The following CALN1 variants were observed in gnomAD, a reference collection of about 807,000 sequenced individuals.
CALN1 encodes calneuron 1, also known as calcium-binding protein 8.
In CALN1, 17 loss-of-function variants were observed where a neutral mutation model predicts 30.6. That is an observed-to-expected ratio of 0.56 (90% confidence interval 0.38 to 0.83). The LOEUF (loss-of-function observed/expected upper bound fraction) is 0.83, where lower values mean the gene tolerates loss of function less well. Ranked by LOEUF, CALN1 falls within the 40% of genes least tolerant of loss-of-function variation. The probability of loss-of-function intolerance (pLI) is 0.00; values close to 1 mark genes in which losing one functional copy is unlikely to be tolerated. For missense variants in CALN1, 291 were observed against 354.9 expected (o/e 0.82, Z 1.45); for synonymous variants, 156 against 131.4 (o/e 1.19, Z -1.28).
chr7:72,037,546 A>G (rs1395126453), intron 4 of CALN1, among the ~76,000 whole-genome samples: 1 of 152,232 alleles, frequency 6.6e-6, no homozygotes, highest in Non-Finnish European at 1.5e-5. Flanking sequence ...AGTTGTTTGT[A>G]TCCAGCCAGA....
chr7:72,278,879 A>G, intron 2 of CALN1, 69 bp from the exon 3 acceptor site: 1 of 1,561,966 alleles, frequency 6.4e-7, no homozygotes, highest in Non-Finnish European at 8.7e-7. Flanking sequence ...CCTTTCTTAA[A>G]GGACCATCTG....
intron 2 of CALN1, among the ~76,000 whole-genome samples, chr7:72,387,925 TCA>T (rs1805338043): frequency 6.6e-6 from 1 of 152,138 alleles, no homozygotes; most frequent in Admixed American, 6.5e-5. Flanking sequence ...GTTGGTATAG[TCA>T]CAGTGAGATG....
intron 3 of CALN1, among the ~76,000 whole-genome samples, chr7:72,128,016 G>T (rs766059519): frequency 3.3e-5 from 5 of 152,058 alleles, no homozygotes; most frequent in African/African-American, 4.8e-5. Flanking sequence ...AATACAATCA[G>T]CAAAATGTTG....
chr7:71,824,138 A>G (rs1457245225), intron 5 of CALN1, among the ~76,000 whole-genome samples: 1 of 152,126 alleles, frequency 6.6e-6, no homozygotes, highest in African/African-American at 2.4e-5. Context: ...GACTCAAGCA[A>G]TCCTCCTGCC....
At chr7:72,255,396 TTTC>T (rs144923777) in intron 3 of CALN1, among the ~76,000 whole-genome samples, 53,782 of 150,038 alleles carry the variant, frequency 0.36, 10,513 homozygotes, top group Middle Eastern at 0.55. Context: ...CCTTTTTTCT[TTTC>T]TTTTCTTTTT....
At chr7:72,214,192 A>G (rs1023378561) in intron 3 of CALN1, among the ~76,000 whole-genome samples, 4 of 152,220 alleles carry the variant, frequency 2.6e-5, no homozygotes, top group Non-Finnish European at 4.4e-5. Flanking sequence ...AAATATTTGT[A>G]TATTAGGCTG....
intron 3 of CALN1, among the ~76,000 whole-genome samples, chr7:72,254,646 T>A (rs1795793384): frequency 6.6e-6 from 1 of 152,206 alleles, no homozygotes; most frequent in East Asian, 1.9e-4. Context: ...TATTTTTATT[T>A]TTTTTTGCTG....
At chr7:72,371,206 A>AT (rs1289189439) in intron 2 of CALN1, among the ~76,000 whole-genome samples, 2 of 152,264 alleles carry the variant, frequency 1.3e-5, no homozygotes, top group East Asian at 3.9e-4. Context: ...AATTTTTATG[A>AT]TATCATGCTT....
chr7:72,404,152 T>C (rs1213476746), intron 1 of CALN1, among the ~76,000 whole-genome samples: 3 of 152,166 alleles, frequency 2.0e-5, no homozygotes, highest in Non-Finnish European at 4.4e-5. Context: ...TGAAAAGTTG[T>C]CCTTGACCTG....
At chr7:72,434,084 A>G (rs1253668932) in intron 1 of CALN1, among the ~76,000 whole-genome samples, 1 of 151,908 alleles carries the variant, frequency 6.6e-6, no homozygotes, top group Admixed American at 6.6e-5. Context: ...AAAACTGCAT[A>G]TTGGATTTGC....
intron 2 of CALN1, among the ~76,000 whole-genome samples, chr7:72,303,511 C>T (rs1346240267): frequency 1.3e-5 from 2 of 150,768 alleles, no homozygotes; most frequent in Non-Finnish European, 2.9e-5. Flanking sequence ...GAGCCAAGAT[C>T]GCGCCATTGC....
In CALN1 at chr7:72,377,654, A is replaced by G. The variant is rs747184280; in HGVS notation, c.119+25597T>C. Among the ~76,000 whole-genome samples, 6 of 152,122 alleles carry G rather than the reference A, an allele frequency of 3.9e-5. 1 individual carries two copies. The highest frequency in any genetic ancestry group is 5.9e-5 in the Non-Finnish European group (4 of 68,022). ...TTGTAAAGTCTGTATTATTTGTCGTATGTGGGCATTGACAACTTTGTTCAG... is the reference window on the plus strand; with the variant it reads ...TTGTAAAGTCTGTATTATTTGTCGTGTGTGGGCATTGACAACTTTGTTCAG... On this transcript the variant is annotated intron_variant, in intron 2 of 6. Transcript: ENST00000395275.
Position 72,432,452 on chromosome 7 carries a change from C to T in CALN1, c.-226+14590G>A, listed in dbSNP as rs75953189. On this transcript the variant is annotated intron_variant, in intron 1 of 6. Transcript: ENST00000395276. The stretch of plus-strand genomic sequence containing the variant: ...GCCTCCGGGAACAGAAATAGCTGTG[C>T]GTCTCCTGAGCAGCTGCTTGCTTTC... Among the ~76,000 whole-genome samples the T allele has an allele frequency of 5.7e-3, 860 of 152,200 alleles. 3 individuals carry two copies. The highest frequency in any genetic ancestry group is 0.011 in the South Asian group (55 of 4,810).
intron 2 of CALN1, among the ~76,000 whole-genome samples, chr7:72,336,121 C>CGGGGTGGGTGGCGGCGA (rs1390247757): frequency 1.3e-5 from 2 of 152,190 alleles, no homozygotes. Flanking sequence ...CCCCCGGACT[C>CGGGGTGGGTGGCGGCGA]GGGGTGGGTG....
chr7:72,246,643 A>C (rs1795176935), intron 3 of CALN1, among the ~76,000 whole-genome samples: 1 of 152,222 alleles, frequency 6.6e-6, no homozygotes, highest in Admixed American at 6.5e-5. Flanking sequence ...AGGAGAAAAA[A>C]AGACATAGAA....
At chr7:72,496,490 T>G in the CALN1 span, among the ~76,000 whole-genome samples, 3 of 152,200 alleles carry the variant, frequency 2.0e-5, no homozygotes, top group Non-Finnish European at 2.9e-5. Flanking sequence ...ACTATAAGCC[T>G]TGGAAAAATG....
intron 3 of CALN1, among the ~76,000 whole-genome samples, chr7:72,112,545 CG>C (rs1563069246): frequency 6.6e-6 from 1 of 151,992 alleles, no homozygotes; most frequent in East Asian, 1.9e-4. Context: ...GGAAATGCAC[CG>C]GAAAATGTAA....
chr7:71,796,484 C>T (rs989898065), intron 6 of CALN1, among the ~76,000 whole-genome samples: 2 of 151,622 alleles, frequency 1.3e-5, no homozygotes, highest in African/African-American at 2.4e-5. Flanking sequence ...CTCAGCCTCC[C>T]GAGTAGCTAA....
chr7:72,158,694 G>A (rs545209346), intron 3 of CALN1, among the ~76,000 whole-genome samples: 5 of 152,174 alleles, frequency 3.3e-5, no homozygotes, highest in Non-Finnish European at 7.3e-5. Flanking sequence ...GTCGTGCTGA[G>A]AACTGTTGCT....
Sources: allele counts gnomAD v4.1 joint callset (sites outside exome capture counted in the v4.1 genomes callset), GRCh38; gene constraint gnomAD v4.1.1; transcripts MANE v1.5; gene names NCBI Gene and HGNC (gene_info 2026-07-23, HGNC 2026-07-21).